Variants in MINDY4 observed in about 807,000 individuals in gnomAD.
MINDY4 encodes probable ubiquitin carboxyl-terminal hydrolase MINDY-4.
Under a neutral mutation model 87.0 loss-of-function variants are expected in MINDY4, and 68 were observed. That is an observed-to-expected ratio of 0.78 (90% CI 0.64 to 0.96). The LOEUF is 0.96. Ranked by LOEUF, MINDY4 falls within the 40% of genes least tolerant of loss-of-function variation. The probability of loss-of-function intolerance (pLI) is 0.00; values close to 1 mark genes in which losing one functional copy is unlikely to be tolerated. For missense variants in MINDY4, 919 were observed against 928.2 expected, an observed-to-expected ratio of 0.99 and a Z score of 0.13; for synonymous variants, 379 against 363.2, an observed-to-expected ratio of 1.04 and a Z score of -0.50.
intron 6 of MINDY4, 127 bp from the exon 7 acceptor site, chr7:30,836,531 C>T (rs551455230): frequency 8.6e-5 from 65 of 759,512 alleles, no homozygotes; most frequent in African/African-American, 4.0e-4. Flanking sequence ...TGAATGAATG[C>T]GGGGAGGAAC....
chr7:30,793,862 G>A (rs1458196313), intron 5 of MINDY4, among the ~76,000 whole-genome samples: 1 of 152,216 alleles, frequency 6.6e-6, no homozygotes, highest in African/African-American at 2.4e-5. Context: ...AGAATGGCCA[G>A]GTGGGCCAGA....
chr7:30,839,191 T>C lies in MINDY4; in HGVS notation c.1240-9T>C. The C allele has an allele frequency of 6.3e-7, 1 of 1,576,264 alleles. No homozygotes were observed. Among genetic ancestry groups the C allele is most frequent in the Non-Finnish European group, 8.6e-7 (1 of 1,156,226 alleles). ...AAACAACCAGTAAAACTCTCTCTTCTTTTTATAGGAAATAAAGACCCTTCT... is the reference window on the plus strand; with the variant it reads ...AAACAACCAGTAAAACTCTCTCTTCCTTTTATAGGAAATAAAGACCCTTCT... On this transcript the variant is annotated splice_polypyrimidine_tract_variant and intron_variant, in intron 7 of 17. Transcript: ENST00000265299.
At chr7:30,882,446 C>T in intron 16 of MINDY4, 85 bp downstream of exon 16, 1 of 1,173,026 alleles carries the variant, frequency 8.5e-7, no homozygotes. Context: ...TCCTATCCAC[C>T]ACCAACCCCC....
chr7:30,882,047 C>T (rs935520078), intron 15 of MINDY4, 134 bp from the exon 16 acceptor site: 2 of 893,124 alleles, frequency 2.2e-6, no homozygotes, highest in African/African-American at 3.4e-5. Flanking sequence ...GCGTGAGGGG[C>T]TCCCAGCATC....
At chr7:30,882,883 C>T in intron 16 of MINDY4, 38 bp from the exon 17 acceptor site, 1 of 1,600,438 alleles carries the variant, frequency 6.2e-7, no homozygotes, top group Non-Finnish European at 8.5e-7. Flanking sequence ...AGTGCAGGGC[C>T]CTGGGTGACA....
intron 1 of MINDY4, among the ~76,000 whole-genome samples, chr7:30,776,638 G>A (rs1000486011): frequency 3.5e-4 from 53 of 152,232 alleles, no homozygotes; most frequent in Non-Finnish European, 6.2e-4. Context: ...TCGTTTCACA[G>A]ATAGGGAAAC....
intron 1 of MINDY4, 101 bp from the exon 2 acceptor site, chr7:30,778,331 G>T: frequency 1.4e-6 from 2 of 1,465,370 alleles, no homozygotes; most frequent in East Asian, 2.3e-5. Flanking sequence ...GGTTATATGA[G>T]AATTATCTTG....
intron 3 of MINDY4, among the ~76,000 whole-genome samples, 159 bp from the exon 4 acceptor site, chr7:30,785,590 C>A (rs1292892155): frequency 6.6e-6 from 1 of 152,166 alleles, no homozygotes; most frequent in Non-Finnish European, 1.5e-5. Flanking sequence ...AGAGTATTTT[C>A]TGTTCCTTGT....
At chr7:30,848,123 T>A (rs1216485180) in intron 9 of MINDY4, among the ~76,000 whole-genome samples, 1 of 152,206 alleles carries the variant, frequency 6.6e-6, no homozygotes, top group Admixed American at 6.5e-5. Context: ...TAGAAGTGTT[T>A]GACAGGGGGT....
At chr7:30,848,264 GC>G in intron 9 of MINDY4, among the ~76,000 whole-genome samples, 1 of 152,282 alleles carries the variant, frequency 6.6e-6, no homozygotes, top group Middle Eastern at 3.4e-3. Flanking sequence ...AGGAAGACAC[GC>G]CCCCACCCCC....
chr7:30,831,909 A>T (rs1468734275), intron 6 of MINDY4, among the ~76,000 whole-genome samples: 1 of 152,222 alleles, frequency 6.6e-6, no homozygotes, highest in East Asian at 1.9e-4. Flanking sequence ...CGACATTTAA[A>T]CCAGGACCTT....
At chr7:30,882,461 C>A in intron 16 of MINDY4, 100 bp downstream of exon 16, 1 of 1,071,368 alleles carries the variant, frequency 9.3e-7, no homozygotes, top group South Asian at 1.7e-5. Flanking sequence ...ACCCCCATGA[C>A]AGAGAGCAGT....
intron 7 of MINDY4, 118 bp from the exon 8 acceptor site, chr7:30,839,082 T>C: frequency 1.6e-6 from 1 of 627,324 alleles, no homozygotes; most frequent in Non-Finnish European, 2.8e-6. Context: ...TGAACCATGC[T>C]AGAAAATGGG....
chr7:30,816,200 T>G (rs527507907), intron 5 of MINDY4, among the ~76,000 whole-genome samples: 8 of 151,428 alleles, frequency 5.3e-5, no homozygotes, highest in Non-Finnish European at 1.2e-4. Context: ...ATATGCCAAA[T>G]TGGAAGAATA....
chr7:30,862,283 G>A (rs965562612), intron 13 of MINDY4, among the ~76,000 whole-genome samples: 17 of 152,208 alleles, frequency 1.1e-4, no homozygotes, highest in Non-Finnish European at 1.5e-4. Flanking sequence ...GGAATAGCCC[G>A]GGCAGTCGTG....
At chr7:30,786,144 C>T (rs1470111268) in intron 4 of MINDY4, 152 bp downstream of exon 4, 10 of 1,039,250 alleles carry the variant, frequency 9.6e-6, no homozygotes, top group Non-Finnish European at 1.3e-5. Context: ...TCTGTTTTCT[C>T]CCTGGCTCTA....
At chr7:30,891,268 T>C (rs1232063784) in intron 17 of MINDY4, among the ~76,000 whole-genome samples, 1 of 152,210 alleles carries the variant, frequency 6.6e-6, no homozygotes, top group Non-Finnish European at 1.5e-5. Flanking sequence ...TTTAGAAAAT[T>C]AGCACCATGT....
Position 30,857,461 on chromosome 7 carries a change from GTTTTTTTTTTTTT to G in MINDY4, c.1678-1779_1678-1767del, listed in dbSNP as rs1176212442. Among the ~76,000 whole-genome samples the G allele has an allele frequency of 3.4e-4, 20 of 58,984 alleles. 4 individuals carry two copies. In the South Asian group the frequency reaches 0.01, roughly 31 times the overall value. The allele number at this position is 58,984 out of a possible 152,430, so 38.7% of individuals were successfully genotyped here. A position where few individuals can be genotyped will look rare whatever the true frequency, so the allele number is the denominator to read the frequency against. On this transcript the variant is annotated intron_variant, in intron 12 of 17. Transcript: ENST00000265299. ...AAGAGGAGAGATCCATATCCACCTT[GTTTTTTTTTTTTT>G]TTTTTTTTTTTTTTTTGAGACGGAG...
At chr7:30,843,769 G>A (rs892691287) in intron 9 of MINDY4, among the ~76,000 whole-genome samples, 13 of 152,190 alleles carry the variant, frequency 8.5e-5, no homozygotes, top group African/African-American at 2.7e-4. Context: ...TGCCGGCCAG[G>A]CAGGTACCTC....
Sources: allele counts gnomAD v4.1 joint callset (sites outside exome capture counted in the v4.1 genomes callset), GRCh38; gene constraint gnomAD v4.1.1; transcripts MANE v1.5; gene names NCBI Gene and HGNC (gene_info 2026-07-23, HGNC 2026-07-21).